HMCN1: variants seen among roughly 807,000 people sequenced by gnomAD.
HMCN1 encodes the protein hemicentin 1.
Under a neutral mutation model 625.9 loss-of-function variants are expected in HMCN1, and 321 were observed. That is an observed-to-expected ratio of 0.51 (90% CI 0.47 to 0.56). HMCN1 has a LOEUF of 0.56. HMCN1 is among the 20% of genes least tolerant of loss of function. The pLI, the probability that HMCN1 is intolerant of heterozygous loss-of-function variation, is 0.00. For missense variants in HMCN1, 6,588 were observed against 6,887.3 expected (o/e 0.96, Z 1.54); for synonymous variants, 2,425 against 2,417.6 (o/e 1.00, Z -0.09).
At chr1:185,925,567 T>C (rs1291184501) in intron 9 of HMCN1, among the ~76,000 whole-genome samples, 1 of 152,180 alleles carries the variant, frequency 6.6e-6, no homozygotes, top group Admixed American at 6.5e-5. Context: ...AGCTTTAGCT[T>C]TATTGGCTTC....
intron 6 of HMCN1, among the ~76,000 whole-genome samples, chr1:185,921,596 T>C (rs1404840233): frequency 1.3e-5 from 2 of 152,214 alleles, no homozygotes; most frequent in African/African-American, 4.8e-5. Flanking sequence ...AGTGTTGAGT[T>C]TGAAATTGAT....
At chr1:186,151,136 T>C in intron 93 of HMCN1, 64 bp from the exon 94 acceptor site, 1 of 1,538,078 alleles carries the variant, frequency 6.5e-7, no homozygotes, top group South Asian at 1.1e-5. Flanking sequence ...TGGCCCTCTT[T>C]TCTCCCATGT....
chr1:185,814,495 T>A (rs1659723482), intron 1 of HMCN1, among the ~76,000 whole-genome samples: 1 of 152,148 alleles, frequency 6.6e-6, no homozygotes, highest in Admixed American at 6.6e-5. Flanking sequence ...CTTTCATGCT[T>A]CTTTTCTTAC....
Position 186,081,291 on chromosome 1 carries a change from T to C in HMCN1, c.8684T>C (p.Leu2895Ser). Residue 2895 changes from leucine (L) to serine (S), a missense_variant, in exon 56 of 107, where the codon TTA (leucine) becomes TCA (serine). Around this residue, in one of 3 missense-constraint regions of HMCN1, gnomAD observed 4,628 missense variants for 4,853.1 expected, o/e 0.95. Coordinates refer to ENST00000271588, the MANE Select transcript of HMCN1 (RefSeq NM_031935.3). ...LVNKSALIEC[L>S]SSGSPAPRNS... ...AACAAGAGTGCACTGATAGAGTGTT[T>C]ATCCAGTGGCAGCCCAGCACCAAGG... 2 of 1,613,266 alleles carry C rather than the reference T, an allele frequency of 1.2e-6. No homozygotes were observed. The highest frequency in any genetic ancestry group is 1.7e-6 in the Non-Finnish European group (2 of 1,179,264).
At chr1:186,057,060 C>T (rs1657380766) in intron 45 of HMCN1, among the ~76,000 whole-genome samples, 174 bp from the exon 46 acceptor site, 1 of 149,730 alleles carries the variant, frequency 6.7e-6, no homozygotes, top group South Asian at 2.1e-4. Flanking sequence ...CACACACACA[C>T]ACACACAGCT....
intron 4 of HMCN1, among the ~76,000 whole-genome samples, chr1:185,905,703 G>A (rs1187441118): frequency 6.6e-6 from 1 of 151,842 alleles, no homozygotes; most frequent in East Asian, 1.9e-4. Flanking sequence ...TTTTAGAGTT[G>A]AGTAGATATA....
intron 1 of HMCN1, among the ~76,000 whole-genome samples, chr1:185,794,431 G>GT (rs1658221997): frequency 6.6e-6 from 1 of 150,798 alleles, no homozygotes; most frequent in African/African-American, 2.4e-5. Flanking sequence ...AAGCTGAGGA[G>GT]TAAGGAAGCC....
intron 15 of HMCN1, among the ~76,000 whole-genome samples, chr1:185,971,212 T>C (rs1173287623): frequency 1.3e-5 from 2 of 152,218 alleles, no homozygotes; most frequent in Non-Finnish European, 2.9e-5. Flanking sequence ...CCCAAGATCA[T>C]AATTTGAAGA....
In HMCN1 at chr1:185,751,374, C is replaced by T. The variant is rs2102094764; in HGVS notation, c.268+16327C>T. Among the ~76,000 whole-genome samples, 2 of 151,790 alleles carry T rather than the reference C, an allele frequency of 1.3e-5. 1 individual carries two copies. The highest frequency in any genetic ancestry group is 4.2e-4 in the South Asian group (2 of 4,750). ...TTTTGTTGTTGATGAAAAGTCTTCT[C>T]TTAGTCTAATTTTTGTCCCTATTTA... On this transcript the variant is annotated intron_variant, in intron 1 of 106. Transcript: ENST00000271588.
At chr1:185,755,448 A>T (rs1655071573) in intron 1 of HMCN1, among the ~76,000 whole-genome samples, 1 of 152,192 alleles carries the variant, frequency 6.6e-6, no homozygotes. Context: ...AATCGGTCAG[A>T]TCTTATCTGG....
intron 1 of HMCN1, among the ~76,000 whole-genome samples, chr1:185,801,297 T>C (rs1658776513): frequency 6.6e-6 from 1 of 152,192 alleles, no homozygotes; most frequent in South Asian, 2.1e-4. Context: ...GAAAAATAAG[T>C]GCTCTGGAAA....
intron 56 of HMCN1, among the ~76,000 whole-genome samples, chr1:186,082,319 A>T (rs899253442): frequency 2.6e-5 from 4 of 152,166 alleles, no homozygotes; most frequent in Non-Finnish European, 5.9e-5. Flanking sequence ...ATTCTTCCGG[A>T]TGTGGCCTTG....
chr1:185,855,703 CGA>C (rs1252672842), intron 2 of HMCN1, among the ~76,000 whole-genome samples: 1 of 152,182 alleles, frequency 6.6e-6, no homozygotes. Flanking sequence ...GAAGGTCCAA[CGA>C]GTTGAAAGAT....
At chr1:186,083,922 T>C (rs1175248125) in intron 57 of HMCN1, among the ~76,000 whole-genome samples, 1 of 152,202 alleles carries the variant, frequency 6.6e-6, no homozygotes, top group African/African-American at 2.4e-5. Context: ...CAGGAACACA[T>C]GTGTTATGAA....
At position 186,000,245 on chromosome 1, in the gene HMCN1, T is replaced by G. The variant is rs1192363398; in HGVS notation, c.4069+6T>G. On this transcript the variant is annotated splice_donor_region_variant and intron_variant, in intron 26 of 106. Transcript: ENST00000271588. ...ATATAACCTCAAAGTCCATGGTAAA[T>G]GTAGCTAAAATCATGTAACTGACTG... is the stretch of plus-strand genomic sequence containing the variant. The G allele has an allele frequency of 6.2e-7, 1 of 1,608,012 alleles. No individual in the cohort carries two copies. Among genetic ancestry groups the G allele is most frequent in the East Asian group, 2.2e-5 (1 of 44,740 alleles).
intron 35 of HMCN1, among the ~76,000 whole-genome samples, chr1:186,021,313 A>C (rs1333968851): frequency 6.6e-6 from 1 of 152,010 alleles, no homozygotes; most frequent in African/African-American, 2.4e-5. Flanking sequence ...GACAAGTTTG[A>C]GGTGAGAAAA....
chr1:185,951,196 G>A (rs1289115959), intron 11 of HMCN1, among the ~76,000 whole-genome samples: 12 of 151,244 alleles, frequency 7.9e-5, no homozygotes, highest in Admixed American at 7.9e-4. Flanking sequence ...TTGGGAAGAA[G>A]GGCGGCAATG....
In HMCN1 at chr1:185,870,623, A is replaced by C. The variant is rs187537133; in HGVS notation, c.621+4760A>C. Among the ~76,000 whole-genome samples the C allele has an allele frequency of 1.8e-4, 27 of 152,270 alleles. No homozygotes were observed. In the East Asian group the frequency reaches 4.6e-3, roughly 26 times the overall value. ...TTTATGGGGTTCATGAGATGTTTTGATACAGGCATGCAATATGAAATAAGC... is the reference window on the plus strand; with the variant it reads ...TTTATGGGGTTCATGAGATGTTTTGCTACAGGCATGCAATATGAAATAAGC... On this transcript the variant is annotated intron_variant, in intron 4 of 106. Coordinates refer to ENST00000271588, the MANE Select transcript of HMCN1 (RefSeq NM_031935.3).
At chr1:185,746,366 G>T (rs1476993115) in intron 1 of HMCN1, among the ~76,000 whole-genome samples, 2 of 152,178 alleles carry the variant, frequency 1.3e-5, no homozygotes, top group African/African-American at 4.8e-5. Context: ...ATCACAAAAT[G>T]TGTGACTTAA....
Sources: allele counts gnomAD v4.1 joint callset (sites outside exome capture counted in the v4.1 genomes callset), GRCh38; gene constraint gnomAD v4.1.1; regional missense constraint gnomAD v4.1.1; transcripts MANE v1.5; gene names NCBI Gene and HGNC (gene_info 2026-07-23, HGNC 2026-07-21).